P4HB: variants seen among roughly 807,000 people sequenced by gnomAD.
P4HB encodes the protein prolyl 4-hydroxylase subunit beta, also known as protein disulfide-isomerase.
Under a neutral mutation model 52.6 loss-of-function variants are expected in P4HB, and 20 were observed. The observed-to-expected ratio is 0.38, with a 90% CI of 0.27 to 0.55. The LOEUF (loss-of-function observed/expected upper bound fraction) is 0.55, where lower values mean the gene tolerates loss of function less well. Among genes scored for constraint, P4HB ranks in the 20% least tolerant of loss-of-function variants. The pLI is 0.74. For synonymous variants in P4HB, 296 were observed against 277.9 expected, an observed-to-expected ratio of 1.07 and a Z score of -0.65; for missense variants, 601 against 669.2, an observed-to-expected ratio of 0.90 and a Z score of 1.12.
chr17:81,847,600 G>C, intron 4 of P4HB: 1 of 539,724 alleles, frequency 1.9e-6, no homozygotes. Flanking sequence ...TGGCGCACGT[G>C]GTCCTCCAGC....
Position 81,855,801 on chromosome 17 carries a change from G to C in P4HB, c.353-215C>G. On this transcript the variant is annotated intron_variant, in intron 2 of 10. Transcript: ENST00000331483. The surrounding 1 kb of genome is among the most constrained non-coding windows in gnomAD (Gnocchi z 4.3). ...TGTGGTTGTGTTTATGGGGAGTGGA[G>C]AGGGAAGAGGGTGATTCTGTCTCTG... The C allele has an allele frequency of 1.9e-6, 1 of 515,800 alleles. No individual in the cohort carries two copies. Among genetic ancestry groups the C allele is most frequent in the South Asian group, 3.0e-5 (1 of 32,874 alleles). 32.0% of individuals were successfully genotyped at this position (515,800 alleles called of 1,614,324 possible). A position where few individuals can be genotyped will look rare whatever the true frequency, so the allele number is the denominator to read the frequency against.
intron 4 of P4HB, among the ~76,000 whole-genome samples, chr17:81,852,872 C>T (rs763031914): frequency 1.3e-5 from 2 of 152,230 alleles, no homozygotes; most frequent in East Asian, 1.9e-4. Flanking sequence ...ACAGGGTTCG[C>T]GAGTTTCGTG....
intron 2 of P4HB, among the ~76,000 whole-genome samples, chr17:81,857,395 C>T (rs766920904): frequency 2.6e-5 from 4 of 152,162 alleles, no homozygotes; most frequent in African/African-American, 7.2e-5. Context: ...GTGATCCACC[C>T]GTCTCAGCCT....
intron 2 of P4HB, chr17:81,858,893 G>A: frequency 2.4e-6 from 1 of 416,370 alleles, no homozygotes; most frequent in South Asian, 2.7e-5. Context: ...GGCCAGAAAG[G>A]CACCAGTCTC....
At chr17:81,858,329 C>A (rs2038946568) in intron 2 of P4HB, among the ~76,000 whole-genome samples, 2 of 151,368 alleles carry the variant, frequency 1.3e-5, no homozygotes, top group Middle Eastern at 3.2e-3. Flanking sequence ...GAGCTGCTGC[C>A]ACTAGAACAG....
At chr17:81,845,511 C>G (rs750320749) in intron 9 of P4HB, 50 bp downstream of exon 9, 2 of 1,512,288 alleles carry the variant, frequency 1.3e-6, no homozygotes, top group Admixed American at 4.2e-5. Context: ...GCGTGGGGAC[C>G]ACTGCTCTTC....
chr17:81,843,844 C>T lies in P4HB; in HGVS notation c.*168G>A, dbSNP rs200713670. On this transcript the variant is annotated 3_prime_UTR_variant, in exon 11 of 11. Coordinates refer to ENST00000331483, the MANE Select transcript of P4HB (RefSeq NM_000918.4). ...AAAACCGAAAAGCAGAAGGAAGAGA[C>T]GGGGGTGAACGGACGGTGTGTAGGG... The T allele has an allele frequency of 5.6e-5, 36 of 644,518 alleles. No homozygotes were observed. The highest frequency in any genetic ancestry group is 2.8e-4 in the South Asian group (16 of 56,694). The allele number at this position is 644,518 out of a possible 1,614,324, so 39.9% of individuals were successfully genotyped here.
chr17:81,855,364 G>A lies in P4HB; in HGVS notation c.487-85C>T. 8 of 1,599,262 alleles carry A rather than the reference G, an allele frequency of 5.0e-6. No homozygotes were observed. Among genetic ancestry groups the A allele is most frequent in the South Asian group, 4.5e-5 (4 of 89,824 alleles). ...GACCCTGTAGAGCCCAGGCCAGGGG[G>A]GACACGTGCAGAACTGCCAGCTGCA... On this transcript the variant is annotated intron_variant, in intron 3 of 10. Transcript: ENST00000331483. This position sits in a 1 kb window ranked among gnomAD's most constrained non-coding sequence, Gnocchi z 4.3.
chr17:81,859,481 C>G, intron 1 of P4HB, 94 bp from the exon 2 acceptor site: 2 of 1,131,260 alleles, frequency 1.8e-6, no homozygotes, highest in East Asian at 2.4e-5. Flanking sequence ...TGGCATTTCC[C>G]TTCATAAAAA....
rs201906397 is a variant in P4HB at position 81,855,535 on chromosome 17, G to A, written c.404C>T (p.Pro135Leu). 55 of 1,613,942 alleles carry A rather than the reference G, an allele frequency of 3.4e-5. 1 individual carries two copies. The South Asian group carries it at 4.1e-4, about 12-fold the overall frequency. ...GCCGTCAGGCAGGGTGGTGGCAGCC[G>A]GGCCCGTGCGCTTCTTCAGCCAGTT... ...IVNWLKKRTG[P>L]AATTLPDGAA... is the part of the protein sequence containing the mutation. The change falls in exon 3 of 11, where the codon CCG becomes CTG. Residue 135 changes from proline (P) to leucine (L), a missense_variant. Pro to Leu is a moderately conservative substitution (Grantham distance 98). Transcript: ENST00000331483. This position sits in a 1 kb window ranked among gnomAD's most constrained non-coding sequence, Gnocchi z 4.3.
At position 81,846,415 on chromosome 17, in the gene P4HB, G is replaced by A. The variant is rs199923885; in HGVS notation, c.1056+14C>T. On this transcript the variant is annotated intron_variant, in intron 7 of 10. Coordinates refer to ENST00000331483, the MANE Select transcript of P4HB (RefSeq NM_000918.4). This position sits in a 1 kb window ranked among gnomAD's most constrained non-coding sequence, Gnocchi z 5.7. ...TACCCGGGAGGCAGCCCTGGCCCGG[G>A]GACGCGCCTGCACCTTGATTTTGCC... The A allele has an allele frequency of 5.0e-6, 8 of 1,612,642 alleles. No homozygotes were observed. Among genetic ancestry groups the A allele is most frequent in the Non-Finnish European group, 5.9e-6 (7 of 1,179,742 alleles).
In P4HB at chr17:81,843,232, G is replaced by A; in HGVS notation, c.*780C>T. The A allele has an allele frequency of 2.7e-6, 1 of 366,062 alleles. No homozygotes were observed. Among genetic ancestry groups the A allele is most frequent in the Non-Finnish European group, 4.9e-6 (1 of 205,848 alleles). 22.7% of individuals were successfully genotyped at this position (366,062 alleles called of 1,614,324 possible). The stretch of plus-strand genomic sequence containing the variant: ...GTGAAATAGAAATGCCTGAAGAACT[G>A]TCAGCGTCTGATTCAGCTCCAGCAT... On this transcript the variant is annotated 3_prime_UTR_variant, in exon 11 of 11. Coordinates refer to ENST00000331483, the MANE Select transcript of P4HB (RefSeq NM_000918.4).
At position 81,859,123 on chromosome 17, in the gene P4HB, C is replaced by T. The variant is rs537153129; in HGVS notation, c.352+58G>A. 8.5e-5 allele frequency: 130 copies of T among 1,531,104 alleles called. No homozygotes were observed. In the African/African-American group the frequency reaches 1.7e-3, roughly 20 times the overall value. The allele number at this position is 1,531,104 out of a possible 1,614,324, so 94.8% of individuals were successfully genotyped here. On this transcript the variant is annotated intron_variant, in intron 2 of 10. Coordinates refer to ENST00000331483, the MANE Select transcript of P4HB (RefSeq NM_000918.4). ...GCTCAGACAGCTGCCCCTGCCCTTCCAAGTCGGCAGGCCAGTCCCTCTCTA... is the reference window on the plus strand; with the variant it reads ...GCTCAGACAGCTGCCCCTGCCCTTCTAAGTCGGCAGGCCAGTCCCTCTCTA...
chr17:81,847,905 CTTT>C (rs1193629056), intron 4 of P4HB: 12 of 123,106 alleles, frequency 9.7e-5, no homozygotes, highest in South Asian at 2.5e-4. Context: ...AGGTCTTGAT[CTTT>C]TTTTTTTTTT....
Position 81,846,598 on chromosome 17 carries a change from G to A in P4HB, c.887C>T (p.Thr296Ile), listed in dbSNP as rs775955447. Residue 296 changes from threonine to isoleucine, a missense_variant, in exon 7 of 11, where the codon ACC becomes ATC. By Grantham distance (89) the Thr-to-Ile change is moderately conservative. Coordinates refer to ENST00000331483, the MANE Select transcript of P4HB (RefSeq NM_000918.4). This position sits in a 1 kb window ranked among gnomAD's most constrained non-coding sequence, Gnocchi z 5.7. ...ILFIFIDSDH[T>I]DNQRILEFFG... Reference sequence around the variant, plus strand: ...GAACTCGAGGATGCGCTGGTTGTCGGTGTGGTCGCTGTCGATGAAGATGAA... The same window carrying A: ...GAACTCGAGGATGCGCTGGTTGTCGATGTGGTCGCTGTCGATGAAGATGAA... 5.0e-6 allele frequency: 8 copies of A among 1,614,044 alleles called. No individual in the cohort carries two copies. The highest frequency in any genetic ancestry group is 6.8e-6 in the Non-Finnish European group (8 of 1,180,030).
Position 81,843,351 on chromosome 17 carries a change from G to A in P4HB, c.*661C>T, listed in dbSNP as rs1035074542. 2 of 396,934 alleles carry A rather than the reference G, an allele frequency of 5.0e-6. No homozygotes were observed. The highest frequency in any genetic ancestry group is 4.1e-5 in the African/African-American group (2 of 48,612). The allele number at this position is 396,934 out of a possible 1,614,324, so 24.6% of individuals were successfully genotyped here. On this transcript the variant is annotated 3_prime_UTR_variant, in exon 11 of 11. Transcript: ENST00000331483. ...GTAGAGAGGCCAGTGGTCACAATGA[G>A]CCCACGACAGGAGGAGGAGCCCTGG...
In P4HB at chr17:81,855,643, C is replaced by T. The variant is rs982827258; in HGVS notation, c.353-57G>A. 1.9e-5 allele frequency: 30 copies of T among 1,571,482 alleles called. 1 individual carries two copies. Among genetic ancestry groups the T allele is most frequent in the African/African-American group, 1.3e-4 (10 of 74,318 alleles). On this transcript the variant is annotated intron_variant, in intron 2 of 10. Coordinates refer to ENST00000331483, the MANE Select transcript of P4HB (RefSeq NM_000918.4). This position sits in a 1 kb window ranked among gnomAD's most constrained non-coding sequence, Gnocchi z 4.3. Reference sequence around the variant, plus strand: ...AAACAGGGAGTGCCGCCTGCCCTGCCGCGCCTGCTCCCGTCTCTGCTCTCT... The same window carrying T: ...AAACAGGGAGTGCCGCCTGCCCTGCTGCGCCTGCTCCCGTCTCTGCTCTCT...
intron 4 of P4HB, chr17:81,847,681 CTTTTT>C (rs930623717): frequency 5.9e-6 from 2 of 339,704 alleles, no homozygotes; most frequent in Non-Finnish European, 1.1e-5. Flanking sequence ...AAGCTATTTT[CTTTTT>C]TATTTGTTTT....
chr17:81,860,016 C>T (rs1187203148), intron 1 of P4HB: 1 of 252,112 alleles, frequency 4.0e-6, no homozygotes, highest in Non-Finnish European at 7.6e-6. Flanking sequence ...CGGGTCGGCC[C>T]CCGGGGAGGA....
Sources: allele counts gnomAD v4.1 joint callset (sites outside exome capture counted in the v4.1 genomes callset), GRCh38; gene constraint gnomAD v4.1.1; non-coding constraint Gnocchi (gnomAD v3.1); transcripts MANE v1.5; gene names NCBI Gene and HGNC (gene_info 2026-07-23, HGNC 2026-07-21).